IQSEC1: variants seen among roughly 807,000 people sequenced by gnomAD.
IQSEC1 encodes IQ motif and Sec7 domain ArfGEF 1, also known as IQ motif and SEC7 domain-containing protein 1.
Under a neutral mutation model 91.0 loss-of-function variants are expected in IQSEC1, and 31 were observed. The observed-to-expected ratio is 0.34, with a 90% CI of 0.26 to 0.46. IQSEC1 has a LOEUF of 0.46. IQSEC1 is among the 20% of genes least tolerant of loss of function. The pLI, the probability that IQSEC1 is intolerant of heterozygous loss-of-function variation, is 1.00. For missense variants in IQSEC1, 1,388 were observed against 1,575.6 expected, an observed-to-expected ratio of 0.88 and a Z score of 2.02; for synonymous variants, 699 against 662.6, an observed-to-expected ratio of 1.05 and a Z score of -0.84.
At position 13,093,838 on chromosome 3, in the gene IQSEC1, C is replaced by A. The variant is rs558538111; in HGVS notation, c.303-46316G>T. ...GGTCTCCCCCTGTCCGTTCTCAGCACCCTCTAGGTCCAGGGATGTGCACGT... is the reference window on the plus strand; with the variant it reads ...GGTCTCCCCCTGTCCGTTCTCAGCAACCTCTAGGTCCAGGGATGTGCACGT... On this transcript the variant is annotated intron_variant, in intron 2 of 15. Transcript: ENST00000648114. Among the ~76,000 whole-genome samples the A allele has an allele frequency of 1.3e-5, 2 of 152,214 alleles. 1 individual carries two copies. The highest frequency in any genetic ancestry group is 4.1e-4 in the South Asian group (2 of 4,830).
At chr3:13,115,305 G>A (rs1576256961) in intron 2 of IQSEC1, among the ~76,000 whole-genome samples, 1 of 152,202 alleles carries the variant, frequency 6.6e-6, no homozygotes, top group East Asian at 1.9e-4. Context: ...CTCACTCTGG[G>A]GCGTCCTGCC....
chr3:13,125,075 T>G (rs1305916110), intron 2 of IQSEC1, among the ~76,000 whole-genome samples: 2 of 152,154 alleles, frequency 1.3e-5, no homozygotes, highest in East Asian at 3.9e-4. Context: ...CCTGCAGCAG[T>G]GCGCAGCTCC....
intron 2 of IQSEC1, among the ~76,000 whole-genome samples, chr3:13,100,909 G>A (rs1706046492): frequency 6.7e-6 from 1 of 148,624 alleles, no homozygotes. Context: ...GATGAAGAGG[G>A]GCGGCCAGGG....
chr3:13,063,355 G>C (rs1705131428), intron 1 of IQSEC1, among the ~76,000 whole-genome samples: 1 of 152,258 alleles, frequency 6.6e-6, no homozygotes, highest in South Asian at 2.1e-4. Context: ...AGCTTTAGTT[G>C]ACTGGTCCAT....
At position 12,935,157 on chromosome 3, in the gene IQSEC1, G is replaced by T. The variant is rs1040294269; in HGVS notation, c.1568+291C>A. On this transcript the variant is annotated intron_variant, in intron 3 of 13. Coordinates refer to ENST00000613206, the MANE Select transcript of IQSEC1 (RefSeq NM_001134382.3). The surrounding 1 kb of genome is among the most constrained non-coding windows in gnomAD (Gnocchi z 8.0). ...ACCCCACTTGCTATGGCGGACTTGG[G>T]GGGGATGGGACGGAAGGGCCCGGGA... Among the ~76,000 whole-genome samples the T allele has an allele frequency of 2.6e-5, 4 of 152,222 alleles. No individual in the cohort carries two copies. The highest frequency in any genetic ancestry group is 6.5e-5 in the Admixed American group (1 of 15,292).
At chr3:12,939,222 A>G (rs1310577886) in intron 2 of IQSEC1, among the ~76,000 whole-genome samples, 1 of 152,250 alleles carries the variant, frequency 6.6e-6, no homozygotes, top group Non-Finnish European at 1.5e-5. Context: ...GTTCCTGGAT[A>G]GAGGAGTCGA....
At chr3:13,046,328 A>G (rs1342458448) in intron 1 of IQSEC1, among the ~76,000 whole-genome samples, 2 of 152,184 alleles carry the variant, frequency 1.3e-5, no homozygotes, top group African/African-American at 4.8e-5. Context: ...TCATGTGTGT[A>G]CACGTGTGTA....
intron 1 of IQSEC1, among the ~76,000 whole-genome samples, chr3:13,275,888 G>A (rs891799572): frequency 6.6e-6 from 1 of 152,222 alleles, no homozygotes; most frequent in African/African-American, 2.4e-5. Context: ...GCGCTCTACC[G>A]ATGTGAGCTC....
chr3:13,088,614 C>G lies in IQSEC1; in HGVS notation c.303-41092G>C, dbSNP rs77803514. 7.0e-3 allele frequency among the ~76,000 whole-genome samples: 1,067 copies of G among 152,240 alleles called. 10 individuals are homozygous for G. The highest frequency in any genetic ancestry group is 0.013 in the Admixed American group (204 of 15,290). ...GGCTGAACCTACATGAGACCATGGC[C>G]CTCTTCTGCTCAGTACCCTCCCGGG... On this transcript the variant is annotated intron_variant, in intron 2 of 15. Coordinates refer to the IQSEC1 transcript ENST00000648114.
At chr3:13,185,274 C>T (rs866880181) in intron 1 of IQSEC1, among the ~76,000 whole-genome samples, 1 of 152,180 alleles carries the variant, frequency 6.6e-6, no homozygotes, top group Admixed American at 6.5e-5. Flanking sequence ...AAGGCCAGCA[C>T]CCACTATTCC....
chr3:12,967,554 G>T lies in IQSEC1; in HGVS notation c.24-25689C>A. 7.3e-7 allele frequency: 1 copy of T among 1,361,224 alleles called. No individual in the cohort carries two copies. The highest frequency in any genetic ancestry group is 9.4e-7 in the Non-Finnish European group (1 of 1,066,020). The allele number at this position is 1,361,224 out of a possible 1,614,324, so 84.3% of individuals were successfully genotyped here. ...CCGCCGGATCCCGGGGCCGACACCC[G>T]GCCACCCGGAGACCCGACCACCCGC... On this transcript the variant is annotated intron_variant, in intron 1 of 13. Transcript: ENST00000613206. This position sits in a 1 kb window ranked among gnomAD's most constrained non-coding sequence, Gnocchi z 5.9.
At chr3:12,910,169 G>A (rs1054949266) in intron 10 of IQSEC1, among the ~76,000 whole-genome samples, 3 of 152,198 alleles carry the variant, frequency 2.0e-5, no homozygotes, top group Non-Finnish European at 2.9e-5. Flanking sequence ...TGTAGAGACT[G>A]GCTCAGCAAA....
intron 1 of IQSEC1, among the ~76,000 whole-genome samples, chr3:13,035,664 C>G (rs1704008756): frequency 6.6e-6 from 1 of 152,184 alleles, no homozygotes; most frequent in African/African-American, 2.4e-5. Flanking sequence ...CCAAACAGGG[C>G]CACAACCTCA....
intron 1 of IQSEC1, among the ~76,000 whole-genome samples, chr3:13,255,702 G>C (rs1695273547): frequency 6.6e-6 from 1 of 151,952 alleles, no homozygotes; most frequent in Non-Finnish European, 1.5e-5. Context: ...CTGCAGCCTT[G>C]ATTTCCTGGG....
chr3:13,094,400 C>T (rs920535915), intron 2 of IQSEC1, among the ~76,000 whole-genome samples: 1 of 152,194 alleles, frequency 6.6e-6, no homozygotes, highest in African/African-American at 2.4e-5. Flanking sequence ...CCCGGAGCCA[C>T]CTGGAAGTCC....
intron 1 of IQSEC1, among the ~76,000 whole-genome samples, chr3:13,218,906 C>T (rs535684544): frequency 1.3e-5 from 2 of 152,308 alleles, no homozygotes; most frequent in South Asian, 4.1e-4. Flanking sequence ...TACACGTCCT[C>T]AAACTCTCCC....
At chr3:13,216,130 A>C (rs886865661) in intron 1 of IQSEC1, among the ~76,000 whole-genome samples, 1 of 152,244 alleles carries the variant, frequency 6.6e-6, no homozygotes, top group Non-Finnish European at 1.5e-5. Flanking sequence ...TCCTTTGGCC[A>C]TTCTAGGAAT....
chr3:13,206,993 G>A (rs1003214576), intron 1 of IQSEC1, among the ~76,000 whole-genome samples: 8 of 152,028 alleles, frequency 5.3e-5, no homozygotes, highest in Middle Eastern at 3.4e-3. Flanking sequence ...GGCACCTCCC[G>A]CCTCCTGGTT....
chr3:13,103,982 G>A lies in IQSEC1; in HGVS notation c.303-56460C>T, dbSNP rs1181028701. Among the ~76,000 whole-genome samples, 1 of 152,116 alleles carries A rather than the reference G, an allele frequency of 6.6e-6. No individual in the cohort carries two copies. The highest frequency in any genetic ancestry group is 1.5e-5 in the Non-Finnish European group (1 of 68,016). Reference sequence around the variant, plus strand: ...TACTAGTATCTTCATTTTATAGATGGGAAAACTCAGGCACAGAGAGTTTCA... The same window carrying A: ...TACTAGTATCTTCATTTTATAGATGAGAAAACTCAGGCACAGAGAGTTTCA... On this transcript the variant is annotated intron_variant, in intron 2 of 15. Transcript: ENST00000648114. This position sits in a 1 kb window ranked among gnomAD's most constrained non-coding sequence, Gnocchi z 4.1.
Sources: allele counts gnomAD v4.1 joint callset (sites outside exome capture counted in the v4.1 genomes callset), GRCh38; gene constraint gnomAD v4.1.1; non-coding constraint Gnocchi (gnomAD v3.1); transcripts MANE v1.5; gene names NCBI Gene and HGNC (gene_info 2026-07-23, HGNC 2026-07-21).